Variants in ARL15 observed in about 807,000 individuals in gnomAD.
The protein encoded by ARL15 is ARF like GTPase 15.
In ARL15, 19 loss-of-function variants were observed where a neutral mutation model predicts 25.2. That is an observed-to-expected ratio of 0.75 (90% CI 0.53 to 1.10). ARL15 has a LOEUF of 1.10. ARL15 is among the 50% of genes least tolerant of loss of function. The pLI is 0.00. For missense variants in ARL15, 220 were observed against 246.0 expected (o/e 0.89, Z 0.71); for synonymous variants, 94 against 86.8 (o/e 1.08, Z -0.46).
intron 4 of ARL15, among the ~76,000 whole-genome samples, chr5:53,948,200 G>A (rs953810564): frequency 8.5e-5 from 13 of 152,182 alleles, no homozygotes; most frequent in African/African-American, 2.7e-4. Flanking sequence ...GGCAATTTGG[G>A]AACAGAGGAC....
chr5:54,094,040 G>T (rs1189749392), intron 4 of ARL15, among the ~76,000 whole-genome samples: 1 of 152,218 alleles, frequency 6.6e-6, no homozygotes, highest in Admixed American at 6.5e-5. Context: ...CAGATGAAAG[G>T]CATTTCAGAT....
chr5:53,897,273 C>A (rs373151119), intron 4 of ARL15, among the ~76,000 whole-genome samples: 4 of 152,184 alleles, frequency 2.6e-5, no homozygotes, highest in Non-Finnish European at 5.9e-5. Context: ...CCTTTAGCAA[C>A]CACTACTCTA....
intron 4 of ARL15, among the ~76,000 whole-genome samples, chr5:54,086,178 T>C (rs1359585916): frequency 6.6e-6 from 1 of 152,170 alleles, no homozygotes; most frequent in Non-Finnish European, 1.5e-5. Context: ...CCTTCCAAAG[T>C]GCTGGGATTA....
At chr5:54,067,313 T>TAA (rs940664887) in intron 4 of ARL15, 2 of 152,596 alleles carry the variant, frequency 1.3e-5, no homozygotes, top group African/African-American at 4.8e-5. Flanking sequence ...AACAGAAGCT[T>TAA]AAAACTTACA....
At chr5:54,175,801 C>T (rs968174381) in intron 1 of ARL15, among the ~76,000 whole-genome samples, 4 of 151,734 alleles carry the variant, frequency 2.6e-5, no homozygotes, top group East Asian at 3.9e-4. Context: ...TACAAGTGTG[C>T]ACCACCACAC....
At chr5:53,902,791 T>C (rs1267117152) in intron 4 of ARL15, among the ~76,000 whole-genome samples, 1 of 152,122 alleles carries the variant, frequency 6.6e-6, no homozygotes, top group Non-Finnish European at 1.5e-5. Context: ...GTTTGTCCTC[T>C]GGCTACAGCA....
chr5:54,233,613 A>G (rs1025871857), intron 1 of ARL15, among the ~76,000 whole-genome samples: 1 of 152,234 alleles, frequency 6.6e-6, no homozygotes, highest in Non-Finnish European at 1.5e-5. Context: ...GGTCCAAGAG[A>G]GACTACTGGC....
intron 4 of ARL15, among the ~76,000 whole-genome samples, chr5:54,037,024 CTG>C (rs1750189031): frequency 6.6e-6 from 1 of 151,924 alleles, no homozygotes; most frequent in Admixed American, 6.6e-5. Context: ...AGAAATAAAA[CTG>C]TGGGGAATAT....
chr5:53,990,653 T>C (rs1748454777), intron 4 of ARL15, among the ~76,000 whole-genome samples: 1 of 152,204 alleles, frequency 6.6e-6, no homozygotes, highest in Non-Finnish European at 1.5e-5. Flanking sequence ...AAGCATTTTC[T>C]GGAAACAGAT....
At chr5:54,215,676 T>C (rs1756184000) in intron 1 of ARL15, among the ~76,000 whole-genome samples, 1 of 151,846 alleles carries the variant, frequency 6.6e-6, no homozygotes, top group Non-Finnish European at 1.5e-5. Flanking sequence ...TCCAGAGGAA[T>C]GTTAGGCCAC....
At chr5:53,968,082 G>T (rs555781832) in intron 4 of ARL15, among the ~76,000 whole-genome samples, 5 of 152,282 alleles carry the variant, frequency 3.3e-5, no homozygotes, top group African/African-American at 1.2e-4. Context: ...AATGAGAGAT[G>T]TGAGTGGCAA....
chr5:54,252,430 G>T (rs1757254837), intron 1 of ARL15, among the ~76,000 whole-genome samples: 1 of 152,170 alleles, frequency 6.6e-6, no homozygotes, highest in African/African-American at 2.4e-5. Context: ...TTGCTACTTA[G>T]AAGTTCATCT....
At chr5:53,984,313 G>A (rs983610529) in intron 4 of ARL15, among the ~76,000 whole-genome samples, 1 of 151,910 alleles carries the variant, frequency 6.6e-6, no homozygotes, top group East Asian at 1.9e-4. Context: ...CACTATTCTT[G>A]GTGTGGTCTT....
intron 4 of ARL15, among the ~76,000 whole-genome samples, chr5:53,958,225 A>C (rs921369679): frequency 1.3e-5 from 2 of 152,144 alleles, no homozygotes; most frequent in Non-Finnish European, 2.9e-5. Flanking sequence ...AAAAACATTT[A>C]AATAATTTTA....
intron 4 of ARL15, among the ~76,000 whole-genome samples, chr5:54,097,109 G>T (rs1229952315): frequency 6.6e-6 from 1 of 152,124 alleles, no homozygotes; most frequent in Non-Finnish European, 1.5e-5. Flanking sequence ...GAGGTCAAGA[G>T]ATCAAGACCA....
intron 2 of ARL15, among the ~76,000 whole-genome samples, chr5:54,161,110 C>T (rs1256837391): frequency 1.3e-5 from 2 of 152,006 alleles, no homozygotes; most frequent in Non-Finnish European, 2.9e-5. Context: ...AAATAGAAGA[C>T]TGTATATATT....
At chr5:54,190,103 C>T (rs1465083529) in intron 1 of ARL15, among the ~76,000 whole-genome samples, 1 of 152,084 alleles carries the variant, frequency 6.6e-6, no homozygotes, top group African/African-American at 2.4e-5. Flanking sequence ...ATCAAAACTA[C>T]AGTGAGGGCT....
Position 53,896,176 on chromosome 5 carries a change from G to A in ARL15, c.463-9463C>T, listed in dbSNP as rs893667724. Among the ~76,000 whole-genome samples the A allele has an allele frequency of 2.0e-5, 3 of 152,022 alleles. 1 individual carries two copies. In the South Asian group the frequency reaches 6.2e-4, roughly 32 times the overall value. On this transcript the variant is annotated intron_variant, in intron 4 of 4. Coordinates refer to ENST00000504924, the MANE Select transcript of ARL15 (RefSeq NM_019087.3). The stretch of plus-strand genomic sequence containing the variant: ...AGCCAACCGAGTAGCTGGGCTTATA[G>A]GTGTGCACTGCCACGTCCCGCTAAT...
At chr5:54,024,527 G>A (rs796771842) in intron 4 of ARL15, among the ~76,000 whole-genome samples, 9 of 152,056 alleles carry the variant, frequency 5.9e-5, no homozygotes, top group African/African-American at 2.2e-4. Flanking sequence ...TTTTAGGGTC[G>A]GTATGGTACT....
Sources: gnomAD v4.1 joint callset for allele counts (sites outside exome capture counted in the v4.1 genomes callset) on GRCh38, gnomAD v4.1.1 for gene constraint, MANE v1.5 for transcripts, NCBI Gene and HGNC (gene_info 2026-07-23, HGNC 2026-07-21) for gene names.